NAALAD2: variants seen among roughly 807,000 people sequenced by gnomAD.
NAALAD2 encodes N-acetylated alpha-linked acidic dipeptidase 2, also known as N-acetylated-alpha-linked acidic dipeptidase 2.
In NAALAD2, 89 loss-of-function variants were observed where a neutral mutation model predicts 95.6. That is an observed-to-expected ratio of 0.93 (90% CI 0.78 to 1.11). The LOEUF (loss-of-function observed/expected upper bound fraction) is 1.11. Ranked by LOEUF, NAALAD2 falls within the 50% of genes least tolerant of loss-of-function variation. NAALAD2 has a pLI of 0.00. For missense variants in NAALAD2, 894 were observed against 872.4 expected (o/e 1.02, Z -0.31); for synonymous variants, 264 against 294.4 (o/e 0.90, Z 1.06).
chr11:90,188,611 CTT>C (rs1186599408), intron 18 of NAALAD2, among the ~76,000 whole-genome samples: 1 of 152,166 alleles, frequency 6.6e-6, no homozygotes, highest in South Asian at 2.1e-4. Context: ...TCTTCATTCT[CTT>C]TTATAAGGGC....
chr11:90,143,853 C>T (rs986525453), intron 2 of NAALAD2, among the ~76,000 whole-genome samples: 18 of 152,050 alleles, frequency 1.2e-4, no homozygotes, highest in African/African-American at 4.3e-4. Flanking sequence ...ATAACCTCAC[C>T]ATAAGTTGAG....
chr11:90,185,223 TAAAC>T (rs1432432819), intron 18 of NAALAD2, among the ~76,000 whole-genome samples: 1 of 151,788 alleles, frequency 6.6e-6, no homozygotes, highest in African/African-American at 2.4e-5. Context: ...ACACAATATA[TAAAC>T]AATTTTTATT....
intron 11 of NAALAD2, among the ~76,000 whole-genome samples, chr11:90,167,576 G>A (rs1952508107): frequency 6.6e-6 from 1 of 152,316 alleles, no homozygotes; most frequent in Admixed American, 6.5e-5. Context: ...CCCGGTGTGG[G>A]ATCCACTGAG....
upstream of NAALAD2, among the ~76,000 whole-genome samples, chr11:90,133,261 C>T (rs547745375): frequency 2.0e-5 from 3 of 152,236 alleles, no homozygotes; most frequent in East Asian, 1.9e-4. Flanking sequence ...TGGTTAGATA[C>T]GTGAAGCCAA....
intron 11 of NAALAD2, among the ~76,000 whole-genome samples, chr11:90,164,926 A>C (rs1952393144): frequency 6.6e-6 from 1 of 152,158 alleles, no homozygotes; most frequent in South Asian, 2.1e-4. Flanking sequence ...CCCAGGTATT[A>C]AGCCCAGTAC....
In NAALAD2 at chr11:90,168,925, A is replaced by G. The variant is rs370979463; in HGVS notation, c.1279-4A>G. 8.7e-6 allele frequency: 14 copies of G among 1,604,186 alleles called. No individual in the cohort carries two copies. Among genetic ancestry groups the G allele is most frequent in the African/African-American group, 1.3e-5 (1 of 74,486 alleles). On this transcript the variant is annotated splice_polypyrimidine_tract_variant and splice_region_variant and intron_variant, in intron 11 of 18. Transcript: ENST00000534061. ...ATTAAGTAACAACTTTGCTTCAACT[A>G]CAGGAGAATGTCAAAATACTCCAGG...
intron 6 of NAALAD2, 67 bp downstream of exon 6, chr11:90,152,551 A>G (rs1951918490): frequency 8.0e-7 from 1 of 1,253,912 alleles, no homozygotes; most frequent in Non-Finnish European, 1.1e-6. Context: ...GAAGGAATAC[A>G]AGCAAGCATG....
chr11:90,188,755 TA>T (rs1349607188), intron 18 of NAALAD2, among the ~76,000 whole-genome samples: 5 of 152,230 alleles, frequency 3.3e-5, no homozygotes, highest in African/African-American at 1.2e-4. Flanking sequence ...GTGGGTAATA[TA>T]TTGTAACTAT....
At chr11:90,171,371 C>T (rs376089287) in intron 13 of NAALAD2, among the ~76,000 whole-genome samples, 100 of 152,320 alleles carry the variant, frequency 6.6e-4, no homozygotes, top group African/African-American at 2.2e-3. Context: ...TCATTTTCCT[C>T]ATCACAATGC....
chr11:90,161,752 T>TACTTAATTTTCTTC (rs1262342148), intron 8 of NAALAD2, among the ~76,000 whole-genome samples: 4 of 152,152 alleles, frequency 2.6e-5, no homozygotes, highest in African/African-American at 9.7e-5. Context: ...CATTTTTCTT[T>TACTTAATTTTCTTC]ACTTAATTTT....
At chr11:90,148,861 T>C in intron 3 of NAALAD2, 145 bp from the exon 4 acceptor site, 1 of 468,364 alleles carries the variant, frequency 2.1e-6, no homozygotes, top group Non-Finnish European at 3.9e-6. Context: ...ATAAGGCTCT[T>C]TCTCATTGTT....
Position 90,163,372 on chromosome 11 carries a change from AGTGGGGTTGCT to A in NAALAD2, c.1141_1151del (p.Gly381PhefsTer14). The A allele has an allele frequency of 6.2e-7, 1 of 1,614,106 alleles. No individual in the cohort carries two copies. The highest frequency in any genetic ancestry group is 8.5e-7 in the Non-Finnish European group (1 of 1,179,926). ...GGTATTTGGAGCTATTGACCCAACC[AGTGGGGTTGCT>A]GTTTTGCAAGAAATTGCCCGGAGTT... On this transcript the variant is annotated frameshift_variant, in exon 10 of 19. Coordinates refer to ENST00000534061, the MANE Select transcript of NAALAD2 (RefSeq NM_005467.4). LOFTEE classifies it high-confidence loss of function.
intron 17 of NAALAD2, 68 bp from the exon 18 acceptor site, chr11:90,182,848 A>G (rs1405527519): frequency 8.5e-6 from 9 of 1,063,050 alleles, no homozygotes; most frequent in Non-Finnish European, 1.1e-5. Context: ...CCTTGTTTTT[A>G]TTTAATATTA....
At chr11:90,187,532 C>T (rs1591033670) in intron 18 of NAALAD2, among the ~76,000 whole-genome samples, 1 of 151,858 alleles carries the variant, frequency 6.6e-6, no homozygotes, top group East Asian at 1.9e-4. Context: ...CATATGCACA[C>T]TTTTTCCAAT....
intron 13 of NAALAD2, among the ~76,000 whole-genome samples, chr11:90,171,822 TG>T (rs2134953799): frequency 6.6e-6 from 1 of 152,020 alleles, no homozygotes; most frequent in East Asian, 1.9e-4. Flanking sequence ...CAGCAAGAAA[TG>T]GGGCAAAGTG....
intron 2 of NAALAD2, among the ~76,000 whole-genome samples, chr11:90,146,716 C>T (rs1951759121): frequency 6.6e-6 from 1 of 152,002 alleles, no homozygotes; most frequent in East Asian, 1.9e-4. Flanking sequence ...TCACTAAGAA[C>T]TATGTTTGTG....
chr11:90,173,543 A>T (rs575134201), intron 13 of NAALAD2, among the ~76,000 whole-genome samples: 2 of 152,184 alleles, frequency 1.3e-5, no homozygotes, highest in South Asian at 2.1e-4. Flanking sequence ...TTTAAGTTCT[A>T]TTTAAAAGTT....
chr11:90,175,006 A>C (rs1349293550), intron 14 of NAALAD2, among the ~76,000 whole-genome samples: 1 of 152,194 alleles, frequency 6.6e-6, no homozygotes, highest in African/African-American at 2.4e-5. Flanking sequence ...TATGAAACAT[A>C]AATGAATTTT....
At chr11:90,144,768 A>G (rs1007843781) in intron 2 of NAALAD2, among the ~76,000 whole-genome samples, 19 of 147,754 alleles carry the variant, frequency 1.3e-4, no homozygotes, top group African/African-American at 4.8e-4. Flanking sequence ...GAAAAGAAAG[A>G]CAAGGAGGTC....
Sources: gnomAD v4.1 joint callset for allele counts (sites outside exome capture counted in the v4.1 genomes callset) on GRCh38, gnomAD v4.1.1 for gene constraint, MANE v1.5 for transcripts, NCBI Gene and HGNC (gene_info 2026-07-23, HGNC 2026-07-21) for gene names.